The following TIPIN variants were observed in gnomAD, a reference collection of about 807,000 sequenced individuals.
TIPIN encodes TIMELESS-interacting protein.
TIPIN carries 29 observed loss-of-function variants against 35.6 expected under a neutral mutation model. The ratio of observed to expected loss-of-function variants is 0.82; its 90% confidence interval spans 0.61 to 1.11. The LOEUF is 1.11. TIPIN is among the 50% of genes most tolerant of loss of function. TIPIN has a pLI of 0.00. For missense variants in TIPIN, 296 were observed against 345.4 expected (o/e 0.86, Z 1.13); for synonymous variants, 102 against 121.5 (o/e 0.84, Z 1.06).
intron 1 of TIPIN, among the ~76,000 whole-genome samples, chr15:66,385,428 T>C (rs1340303628): frequency 6.6e-6 from 1 of 152,226 alleles, no homozygotes; most frequent in African/African-American, 2.4e-5. Context: ...TTGTGCCTCT[T>C]ATTAAGCTCT....
At chr15:66,342,009 C>T (rs1315534703) in intron 6 of TIPIN, among the ~76,000 whole-genome samples, 1 of 152,010 alleles carries the variant, frequency 6.6e-6, no homozygotes, top group East Asian at 1.9e-4. Flanking sequence ...CATGGTGAAA[C>T]CCCATCTCTA....
chr15:66,365,578 G>A (rs141776548), intron 1 of TIPIN, among the ~76,000 whole-genome samples: 1 of 152,170 alleles, frequency 6.6e-6, no homozygotes, highest in East Asian at 1.9e-4. Context: ...ACGGAGTTTA[G>A]CTCTGTCGCC....
rs1175203263 is a variant in TIPIN, at chr15:66,386,701, G to A, written c.-103C>T. ...GCTGGGTCCACCTGCTTGCCTCGGG[G>A]CGACAGAGGGCGCCACGGCGTCCGC... On this transcript the variant is annotated 5_prime_UTR_variant, in exon 1 of 8. Coordinates refer to the TIPIN transcript ENST00000562124. 6.0e-5 allele frequency: 11 copies of A among 184,198 alleles called. No homozygotes were observed. In the Admixed American group the frequency reaches 6.2e-4, roughly 10 times the overall value. The allele number at this position is 184,198 out of a possible 1,614,324, so 11.4% of individuals were successfully genotyped here.
At position 66,371,388 on chromosome 15, in the gene TIPIN, A is replaced by T. The variant is rs1025788529; in HGVS notation, c.-9+15219T>A. ...GTGTTTTAATGTGAGAAAGGCCTATATCATTTTTTTCAACCTAAAAAGCAA... is the reference window on the plus strand; with the variant it reads ...GTGTTTTAATGTGAGAAAGGCCTATTTCATTTTTTTCAACCTAAAAAGCAA... On this transcript the variant is annotated intron_variant, in intron 1 of 7. Transcript: ENST00000562124. The T allele has an allele frequency of 3.0e-6, 3 of 984,822 alleles. No homozygotes were observed. The African/African-American group carries it at 5.2e-5, about 17-fold the overall frequency. 61.0% of individuals were successfully genotyped at this position (984,822 alleles called of 1,614,324 possible).
chr15:66,383,427 T>A (rs1199684406), intron 1 of TIPIN: 2 of 193,544 alleles, frequency 1.0e-5, no homozygotes, highest in African/African-American at 2.4e-5. Flanking sequence ...CACATTCAGA[T>A]AATTTTTGTA....
At chr15:66,365,865 T>A (rs1595812339) in intron 1 of TIPIN, among the ~76,000 whole-genome samples, 1 of 147,866 alleles carries the variant, frequency 6.8e-6, no homozygotes, top group Non-Finnish European at 1.5e-5. Context: ...ATTAGTTTAC[T>A]TTTTTTACTT....
At chr15:66,371,844 G>T (rs2093278923) in intron 1 of TIPIN, among the ~76,000 whole-genome samples, 1 of 151,934 alleles carries the variant, frequency 6.6e-6, no homozygotes, top group South Asian at 2.1e-4. Context: ...GCCCAGGCTG[G>T]GGTGCCATGG....
intron 1 of TIPIN, among the ~76,000 whole-genome samples, chr15:66,368,238 G>C (rs1034735643): frequency 2.0e-5 from 3 of 151,958 alleles, no homozygotes; most frequent in African/African-American, 4.8e-5. Flanking sequence ...ATAGTCTATA[G>C]ACTGGGCACA....
At position 66,336,701 on chromosome 15, in the gene TIPIN, C is replaced by A. The variant is rs758880187; in HGVS notation, c.*257G>T. On this transcript the variant is annotated 3_prime_UTR_variant, in exon 8 of 8. Coordinates refer to ENST00000261881, the MANE Select transcript of TIPIN (RefSeq NM_017858.3). ...GAAAACAAGGCATTCAATGACAGAC[C>A]AGCAGCAGAAACTGCTTATTACCTC... The A allele has an allele frequency of 2.4e-6, 1 of 410,654 alleles. No homozygotes were observed. The highest frequency in any genetic ancestry group is 4.5e-6 in the Non-Finnish European group (1 of 224,028). The allele number at this position is 410,654 out of a possible 1,614,324, so 25.4% of individuals were successfully genotyped here.
At position 66,352,810 on chromosome 15, in the gene TIPIN, C is replaced by A. The variant is rs755573636; in HGVS notation, c.133+5G>T. 1 of 1,610,508 alleles carries A rather than the reference C, an allele frequency of 6.2e-7. No homozygotes were observed. Among genetic ancestry groups the A allele is most frequent in the Non-Finnish European group, 8.5e-7 (1 of 1,179,140 alleles). On this transcript the variant is annotated splice_donor_5th_base_variant and intron_variant, in intron 2 of 7. Transcript: ENST00000261881. ...AGCCTCCTTTTTAAAACTCTCTATACATACCTTCATCAGGCTCAGTTCCTT... is the reference window on the plus strand; with the variant it reads ...AGCCTCCTTTTTAAAACTCTCTATAAATACCTTCATCAGGCTCAGTTCCTT...
intron 7 of TIPIN, among the ~76,000 whole-genome samples, chr15:66,340,926 C>G (rs576191510): frequency 6.6e-6 from 1 of 152,130 alleles, no homozygotes; most frequent in Non-Finnish European, 1.5e-5. Context: ...TTAAGAGGTA[C>G]TCAGCTATCC....
chr15:66,378,957 A>T (rs2140499469), intron 1 of TIPIN, among the ~76,000 whole-genome samples: 1 of 152,244 alleles, frequency 6.6e-6, no homozygotes, highest in African/African-American at 2.4e-5. Context: ...TGGGGGTCTC[A>T]CTATGTTGAC....
chr15:66,378,448 T>C (rs1313181145), intron 1 of TIPIN, among the ~76,000 whole-genome samples: 1 of 152,184 alleles, frequency 6.6e-6, no homozygotes, highest in Non-Finnish European at 1.5e-5. Flanking sequence ...TGCTCTTAAT[T>C]ATATTAAAGA....
upstream of TIPIN, among the ~76,000 whole-genome samples, chr15:66,358,708 C>T (rs567729497): frequency 1.2e-4 from 19 of 152,276 alleles, 1 homozygote; most frequent in South Asian, 3.3e-3. Context: ...TGAGCCACCG[C>T]ACCCAGCTAC....
upstream of TIPIN, among the ~76,000 whole-genome samples, chr15:66,357,005 C>G (rs2140473380): frequency 6.6e-6 from 1 of 152,246 alleles, no homozygotes; most frequent in South Asian, 2.1e-4. Context: ...CAGTCTCTAC[C>G]TCCCGGGCTG....
chr15:66,384,595 C>A (rs1401204136), intron 1 of TIPIN, among the ~76,000 whole-genome samples: 1 of 152,034 alleles, frequency 6.6e-6, no homozygotes, highest in Non-Finnish European at 1.5e-5. Context: ...CTGCATCCAC[C>A]CAGAATAATT....
intron 1 of TIPIN, 139 bp downstream of exon 1, chr15:66,356,500 A>C: frequency 3.7e-5 from 20 of 546,052 alleles, no homozygotes; most frequent in Non-Finnish European, 4.7e-5. Context: ...TCGACCCCCC[A>C]ACCTCCTGAC....
In TIPIN at chr15:66,381,472, T is replaced by C. The variant is rs1372428439; in HGVS notation, c.-9+5135A>G. On this transcript the variant is annotated intron_variant, in intron 1 of 7. Coordinates refer to the TIPIN transcript ENST00000562124. The stretch of plus-strand genomic sequence containing the variant: ...AAAAAAAAAGAATAGAGATCCTAGG[T>C]TTTTCTAGAAGTACTGTTAAAAAAT... 2.0e-5 allele frequency among the ~76,000 whole-genome samples: 3 copies of C among 151,844 alleles called. No homozygotes were observed. In the South Asian group the frequency reaches 6.2e-4, roughly 32 times the overall value.
chr15:66,379,300 T>G, intron 1 of TIPIN: 1 of 1,563,110 alleles, frequency 6.4e-7, no homozygotes, highest in Non-Finnish European at 8.6e-7. Context: ...AGGAGTCATC[T>G]GGCGTCTTCT....
Sources: allele counts gnomAD v4.1 joint callset (sites outside exome capture counted in the v4.1 genomes callset), GRCh38; gene constraint gnomAD v4.1.1; transcripts MANE v1.5; gene names NCBI Gene and HGNC (gene_info 2026-07-23, HGNC 2026-07-21).